The following KCND3 variants were observed in gnomAD, a reference collection of about 807,000 sequenced individuals.
KCND3 encodes potassium voltage-gated channel subfamily D member 3.
KCND3 carries 9 observed loss-of-function variants against 51.1 expected under a neutral mutation model. The ratio of observed to expected loss-of-function variants is 0.18; its 90% CI spans 0.11 to 0.31. The LOEUF is 0.31. KCND3 is among the 10% of genes least tolerant of loss of function. KCND3 has a pLI of 1.00. For missense variants in KCND3, 526 were observed against 903.8 expected (o/e 0.58, Z 5.36); for synonymous variants, 349 against 368.0 (o/e 0.95, Z 0.59).
chr1:111,938,114 T>C (rs1044224513), intron 2 of KCND3, among the ~76,000 whole-genome samples: 2 of 152,076 alleles, frequency 1.3e-5, no homozygotes, highest in Non-Finnish European at 1.5e-5. Flanking sequence ...TAAGCCCTCA[T>C]AAAAACAGAA....
intron 2 of KCND3, among the ~76,000 whole-genome samples, chr1:111,956,189 G>A (rs1673331415): frequency 6.6e-6 from 1 of 152,088 alleles, no homozygotes; most frequent in Admixed American, 6.5e-5. Flanking sequence ...AGACCGCTTT[G>A]AGGGGAGGCT....
At chr1:111,848,732 C>T (rs936330409) in intron 2 of KCND3, among the ~76,000 whole-genome samples, 1 of 152,194 alleles carries the variant, frequency 6.6e-6, no homozygotes, top group Non-Finnish European at 1.5e-5. Context: ...AGAATTATTT[C>T]ACCTCTCCAA....
At chr1:111,831,737 A>G (rs1666842884) in intron 2 of KCND3, among the ~76,000 whole-genome samples, 1 of 152,180 alleles carries the variant, frequency 6.6e-6, no homozygotes, top group Non-Finnish European at 1.5e-5. Flanking sequence ...CCCCACGAGA[A>G]TCACCTGGAG....
chr1:111,920,402 T>C (rs1363032776), intron 2 of KCND3, among the ~76,000 whole-genome samples: 1 of 152,258 alleles, frequency 6.6e-6, no homozygotes, highest in Admixed American at 6.5e-5. Flanking sequence ...GTTTCCTAGA[T>C]ACGCCAGTGG....
intron 2 of KCND3, among the ~76,000 whole-genome samples, chr1:111,924,780 T>C (rs998779896): frequency 6.6e-6 from 1 of 152,222 alleles, no homozygotes; most frequent in Admixed American, 6.5e-5. Flanking sequence ...TCTGACTCTT[T>C]AATTTCCCTG....
intron 2 of KCND3, among the ~76,000 whole-genome samples, chr1:111,892,381 T>C (rs1012312249): frequency 2.0e-5 from 3 of 152,224 alleles, no homozygotes; most frequent in South Asian, 4.1e-4. Context: ...AGCTCTCCAA[T>C]GTGTGAGTCT....
intron 2 of KCND3, among the ~76,000 whole-genome samples, chr1:111,890,341 G>A (rs574262845): frequency 2.0e-5 from 3 of 152,280 alleles, no homozygotes; most frequent in South Asian, 4.1e-4. Flanking sequence ...GGATATGGGC[G>A]TGAGATTAAC....
At chr1:111,978,043 G>C (rs895744915) in intron 2 of KCND3, among the ~76,000 whole-genome samples, 14 of 152,206 alleles carry the variant, frequency 9.2e-5, no homozygotes, top group African/African-American at 3.4e-4. Context: ...TAGTGCAGGA[G>C]GCTGCATAGA....
At chr1:111,987,255 C>T (rs186729402) in intron 1 of KCND3, among the ~76,000 whole-genome samples, 2 of 152,292 alleles carry the variant, frequency 1.3e-5, no homozygotes, top group African/African-American at 4.8e-5. Context: ...CAAGGACCAC[C>T]AGTCCTTTAC....
At chr1:111,865,447 C>A (rs1033198956) in intron 2 of KCND3, among the ~76,000 whole-genome samples, 9 of 152,188 alleles carry the variant, frequency 5.9e-5, no homozygotes, top group African/African-American at 1.9e-4. Flanking sequence ...AGGGAGTGAG[C>A]CAGCACTCAT....
At chr1:111,885,435 T>C (rs902517821) in intron 2 of KCND3, among the ~76,000 whole-genome samples, 1 of 152,250 alleles carries the variant, frequency 6.6e-6, no homozygotes, top group Non-Finnish European at 1.5e-5. Flanking sequence ...TTCCAGACTT[T>C]GTTAGTGAAA....
At chr1:111,804,857 G>A (rs368715238) in intron 2 of KCND3, among the ~76,000 whole-genome samples, 2 of 152,202 alleles carry the variant, frequency 1.3e-5, no homozygotes, top group African/African-American at 2.4e-5. Flanking sequence ...GTGCCCGGGC[G>A]GTCTGCCTCA....
chr1:111,900,545 A>T (rs539529496), intron 2 of KCND3, among the ~76,000 whole-genome samples: 1 of 152,330 alleles, frequency 6.6e-6, no homozygotes, highest in African/African-American at 2.4e-5. Flanking sequence ...ACTACCGCAA[A>T]TTACTGAGAT....
chr1:111,806,205 T>C (rs1004632346), intron 2 of KCND3, among the ~76,000 whole-genome samples: 30 of 152,192 alleles, frequency 2.0e-4, no homozygotes, highest in African/African-American at 7.2e-4. Flanking sequence ...CACATCTTTT[T>C]CAACAGAGGC....
At chr1:111,789,625 G>T (rs1370823194) in intron 2 of KCND3, among the ~76,000 whole-genome samples, 5 of 152,202 alleles carry the variant, frequency 3.3e-5, no homozygotes, top group African/African-American at 1.2e-4. Context: ...AGAAACCACA[G>T]ACCAATAGGC....
At chr1:111,888,681 CA>C (rs34732548) in intron 2 of KCND3, among the ~76,000 whole-genome samples, 59,338 of 102,842 alleles carry the variant, frequency 0.58, 15,977 homozygotes, top group East Asian at 0.71. Flanking sequence ...CACTCCATCT[CA>C]AAAAAAAAAA....
In KCND3 at chr1:111,982,482, TACTCCTTGGTGTCCTCGTTGAAGAAGA is replaced by T; in HGVS notation, c.218_244del (p.Phe73_Glu81del). 1.2e-6 allele frequency: 2 copies of T among 1,610,744 alleles called. No individual in the cohort carries two copies. The highest frequency in any genetic ancestry group is 1.7e-6 in the Non-Finnish European group (2 of 1,177,412). ...CACCTCGGGGTCCCGGTCGAAGAAG[TACTCCTTGGTGTCCTCGTTGAAGAAGA>T]ACTCCTTCTCCGTGCTGCCCAGCAG... On this transcript the variant is annotated inframe_deletion, in exon 2 of 8. Transcript: ENST00000302127. This position sits in a 1 kb window ranked among gnomAD's most constrained non-coding sequence, Gnocchi z 8.5.
chr1:111,771,893 A>G lies in KCND3; in HGVS notation c.*4184T>C, dbSNP rs1413987527. ...GTTATGAAAATAGGAGATGAAGGAGAAATAGTACAGAGTTTGTTTCCAGAG... is the reference window on the plus strand; with the variant it reads ...GTTATGAAAATAGGAGATGAAGGAGGAATAGTACAGAGTTTGTTTCCAGAG... On this transcript the variant is annotated 3_prime_UTR_variant, in exon 8 of 8. Coordinates refer to ENST00000302127, the MANE Select transcript of KCND3 (RefSeq NM_001378969.1). 5 of 152,114 alleles carry G rather than the reference A, an allele frequency of 3.3e-5. No individual in the cohort carries two copies. Among genetic ancestry groups the G allele is most frequent in the Non-Finnish European group, 7.4e-5 (5 of 68,008 alleles). 9.4% of individuals were successfully genotyped at this position (152,114 alleles called of 1,614,324 possible).
In KCND3 at chr1:111,773,408, C is replaced by CTTTTTT. The variant is rs5777079; in HGVS notation, c.*2663_*2668dup. On this transcript the variant is annotated 3_prime_UTR_variant, in exon 8 of 8. Coordinates refer to ENST00000302127, the MANE Select transcript of KCND3 (RefSeq NM_001378969.1). ...TGTGCAACCAGTTCTAATTTACCTCCTTTTTTTTTTTCTTTTCTTTTTTTT... is the reference window on the plus strand; with the variant it reads ...TGTGCAACCAGTTCTAATTTACCTCCTTTTTTTTTTTTTTTTTCTTTTCTTTTTTTT... 4 of 135,906 alleles carry CTTTTTT rather than the reference C, an allele frequency of 2.9e-5. No homozygotes were observed. The highest frequency in any genetic ancestry group is 3.1e-5 in the Non-Finnish European group (2 of 65,144). The allele number at this position is 135,906 out of a possible 1,614,324, so 8.4% of individuals were successfully genotyped here.
Sources: allele counts gnomAD v4.1 joint callset (sites outside exome capture counted in the v4.1 genomes callset), GRCh38; gene constraint gnomAD v4.1.1; non-coding constraint Gnocchi (gnomAD v3.1); transcripts MANE v1.5; gene names NCBI Gene and HGNC (gene_info 2026-07-23, HGNC 2026-07-21).